The following ABCA5 variants were observed in gnomAD, a reference collection of about 807,000 sequenced individuals.
ABCA5 encodes the protein cholesterol transporter ABCA5.
In ABCA5, 163 loss-of-function variants were observed where a neutral mutation model predicts 206.0. That is an observed-to-expected ratio of 0.79 (90% CI 0.70 to 0.90). The LOEUF is 0.90. Among genes scored for constraint, ABCA5 ranks in the 40% least tolerant of loss-of-function variants. The pLI, the probability that ABCA5 is intolerant of heterozygous loss-of-function variation, is 0.00. For missense variants in ABCA5, 1,859 were observed against 1,912.9 expected (o/e 0.97, Z 0.53); for synonymous variants, 609 against 613.8 (o/e 0.99, Z 0.11).
intron 14 of ABCA5, among the ~76,000 whole-genome samples, chr17:69,288,784 C>T (rs2075491722): frequency 6.6e-6 from 1 of 151,606 alleles, no homozygotes; most frequent in South Asian, 2.1e-4. Flanking sequence ...GTCTATTCTT[C>T]CATTCTCCTT....
intron 31 of ABCA5, among the ~76,000 whole-genome samples, chr17:69,255,135 G>A (rs1346820132): frequency 6.6e-6 from 1 of 152,138 alleles, no homozygotes; most frequent in African/African-American, 2.4e-5. Context: ...TAAGCAAGGG[G>A]AGAGAAGCAG....
At chr17:69,284,100 T>A in intron 17 of ABCA5, 28 bp from the exon 18 acceptor site, 2 of 1,484,958 alleles carry the variant, frequency 1.3e-6, no homozygotes, top group East Asian at 5.1e-5. Context: ...AAGAATAGTA[T>A]ATCTTTAAGC....
Position 69,326,719 on chromosome 17 carries a change from C to A in ABCA5, c.-16+333G>T, listed in dbSNP as rs1156690386. ...ACAGCGTCCAGGCAAAGGCAGTGTCCCGAAGTCCCACGGCCGGACCCGGTC... is the reference window on the plus strand; with the variant it reads ...ACAGCGTCCAGGCAAAGGCAGTGTCACGAAGTCCCACGGCCGGACCCGGTC... On this transcript the variant is annotated intron_variant, in intron 1 of 38. Transcript: ENST00000392676. This position sits in a 1 kb window ranked among gnomAD's most constrained non-coding sequence, Gnocchi z 4.8. Among the ~76,000 whole-genome samples, 1 of 152,204 alleles carries A rather than the reference C, an allele frequency of 6.6e-6. No homozygotes were observed. The highest frequency in any genetic ancestry group is 2.4e-5 in the African/African-American group (1 of 41,446).
At chr17:69,298,342 GGAAGGAAA>G (rs1166341988) in intron 9 of ABCA5, among the ~76,000 whole-genome samples, 32 of 149,482 alleles carry the variant, frequency 2.1e-4, no homozygotes, top group East Asian at 1.0e-3. Flanking sequence ...AAGGAAGGAA[GGAAGGAAA>G]GAAGGAAAGA....
At chr17:69,270,948 T>G (rs1362117859) in intron 21 of ABCA5, among the ~76,000 whole-genome samples, 198 bp from the exon 22 acceptor site, 1 of 151,334 alleles carries the variant, frequency 6.6e-6, no homozygotes, top group African/African-American at 2.4e-5. Flanking sequence ...TAAACAAGCA[T>G]ATAATTTTTT....
Position 69,254,500 on chromosome 17 carries a change from C to T in ABCA5, c.4069-10G>A. The T allele has an allele frequency of 6.2e-7, 1 of 1,604,354 alleles. No homozygotes were observed. The highest frequency in any genetic ancestry group is 8.5e-7 in the Non-Finnish European group (1 of 1,176,126). On this transcript the variant is annotated splice_polypyrimidine_tract_variant and intron_variant, in intron 31 of 38. Transcript: ENST00000392676. ...AATCTCCTAAAAATACCTATAGAAA[C>T]ACAAACCAATTTTTATTATTTTGCT... is the stretch of plus-strand genomic sequence containing the variant.
intron 8 of ABCA5, 148 bp from the exon 9 acceptor site, chr17:69,301,434 T>C: frequency 7.9e-6 from 4 of 503,146 alleles, no homozygotes; most frequent in East Asian, 3.5e-5. Flanking sequence ...ATTAATAATA[T>C]AAATTTATAA....
intron 12 of ABCA5, among the ~76,000 whole-genome samples, chr17:69,290,756 T>C (rs1015852090): frequency 6.6e-6 from 1 of 152,112 alleles, no homozygotes; most frequent in Non-Finnish European, 1.5e-5. Context: ...AATTCTCACC[T>C]ACCAAACAAT....
chr17:69,282,245 T>G (rs952217767), intron 18 of ABCA5, among the ~76,000 whole-genome samples: 1 of 152,166 alleles, frequency 6.6e-6, no homozygotes, highest in African/African-American at 2.4e-5. Flanking sequence ...CCATTTCCAC[T>G]CTTTCATGAA....
intron 26 of ABCA5, among the ~76,000 whole-genome samples, chr17:69,260,897 C>T (rs1745345515): frequency 6.6e-6 from 1 of 151,874 alleles, no homozygotes. Context: ...TAATTATATA[C>T]ATCATTTTGA....
At chr17:69,264,112 C>A (rs1014903270) in intron 24 of ABCA5, among the ~76,000 whole-genome samples, 1 of 152,074 alleles carries the variant, frequency 6.6e-6, no homozygotes, top group Non-Finnish European at 1.5e-5. Flanking sequence ...AGTGTTGAAT[C>A]TGTAGATTGC....
chr17:69,313,316 G>C lies in ABCA5; in HGVS notation c.103-20C>G, dbSNP rs773113435. ...AATTTCCTACAATAAAAGAAACAAA[G>C]TAATTACAAAGTATAACAATGGCAG... On this transcript the variant is annotated intron_variant, in intron 2 of 38. Coordinates refer to ENST00000392676, the MANE Select transcript of ABCA5 (RefSeq NM_172232.4). The C allele has an allele frequency of 1.7e-6, 2 of 1,184,184 alleles. No homozygotes were observed. Among genetic ancestry groups the C allele is most frequent in the African/African-American group, 3.1e-5 (2 of 64,006 alleles). 73.4% of individuals were successfully genotyped at this position (1,184,184 alleles called of 1,614,324 possible).
intron 28 of ABCA5, among the ~76,000 whole-genome samples, chr17:69,258,882 G>T (rs2075113471): frequency 6.6e-6 from 1 of 152,186 alleles, no homozygotes; most frequent in African/African-American, 2.4e-5. Flanking sequence ...TGTAAGCAAG[G>T]CTGGATAGAA....
Position 69,286,288 on chromosome 17 carries a change from C to T in ABCA5, c.2065G>A (p.Gly689Arg), listed in dbSNP as rs771451939. Residue 689 changes from glycine to arginine, a missense_variant, in exon 16 of 39, where the codon GGA becomes AGA. Transcript: ENST00000392676. ...LADRKAVISQ[G>R]MLKCVGSSMF... is the part of the protein sequence containing the mutation. Reference sequence around the variant, plus strand: ...GAAGAACCAACACATTTCAGCATTCCTTGTGATATCACAGCTTTCCTATCT... The same window carrying T: ...GAAGAACCAACACATTTCAGCATTCTTTGTGATATCACAGCTTTCCTATCT... 7 of 1,592,200 alleles carry T rather than the reference C, an allele frequency of 4.4e-6. No individual in the cohort carries two copies. Among genetic ancestry groups the T allele is most frequent in the Non-Finnish European group, 6.0e-6 (7 of 1,174,728 alleles).
intron 10 of ABCA5, among the ~76,000 whole-genome samples, chr17:69,296,875 G>T (rs2075588865): frequency 6.6e-6 from 1 of 152,204 alleles, no homozygotes; most frequent in Non-Finnish European, 1.5e-5. Context: ...TGAGGCACAA[G>T]AATTGTTTGA....
At chr17:69,247,778 A>C (rs1327077334) in intron 38 of ABCA5, 134 bp from the exon 39 acceptor site, 13 of 482,814 alleles carry the variant, frequency 2.7e-5, no homozygotes, top group Non-Finnish European at 4.4e-5. Flanking sequence ...TAACATTAAC[A>C]TTATTCAAAC....
chr17:69,301,402 A>C, intron 8 of ABCA5, 116 bp from the exon 9 acceptor site: 2 of 682,880 alleles, frequency 2.9e-6, no homozygotes, highest in Non-Finnish European at 2.3e-6. Flanking sequence ...TGGGCCTTTT[A>C]ATAGATTAAA....
intron 1 of ABCA5, among the ~76,000 whole-genome samples, chr17:69,324,731 A>T (rs1349154570): frequency 8.5e-5 from 13 of 152,240 alleles, no homozygotes; most frequent in Non-Finnish European, 1.9e-4. Context: ...AATGTTATAC[A>T]TTTCAACAAT....
chr17:69,259,801 AAAG>A lies in ABCA5; in HGVS notation c.3640-7_3640-5del, dbSNP rs2075125935. 4 of 1,552,238 alleles carry A rather than the reference AAAG, an allele frequency of 2.6e-6. No homozygotes were observed. Among genetic ancestry groups the A allele is most frequent in the East Asian group, 2.3e-5 (1 of 43,730 alleles). On this transcript the variant is annotated splice_region_variant and splice_polypyrimidine_tract_variant and intron_variant, in intron 27 of 38. Transcript: ENST00000392676. Reference sequence around the variant, plus strand: ...ACAGTACACACTGCAGGTAAGGCTAAAAGAAGAACATGTAGCAGCTCATGACTA... The same window carrying A: ...ACAGTACACACTGCAGGTAAGGCTAAAAGAACATGTAGCAGCTCATGACTA...
Sources: allele counts gnomAD v4.1 joint callset (sites outside exome capture counted in the v4.1 genomes callset), GRCh38; gene constraint gnomAD v4.1.1; non-coding constraint Gnocchi (gnomAD v3.1); transcripts MANE v1.5; gene names NCBI Gene and HGNC (gene_info 2026-07-23, HGNC 2026-07-21).